The following KIAA0319L variants were observed in gnomAD, a reference collection of about 807,000 sequenced individuals.
KIAA0319L encodes the protein dyslexia-associated protein KIAA0319-like protein.
A neutral mutation model predicts 120.1 loss-of-function variants in KIAA0319L; 55 were observed. That is an observed-to-expected ratio of 0.46 (90% confidence interval 0.37 to 0.57). The LOEUF (loss-of-function observed/expected upper bound fraction) is 0.57. KIAA0319L is among the 20% of genes least tolerant of loss of function. The pLI, the probability that KIAA0319L is intolerant of heterozygous loss-of-function variation, is 0.00. For synonymous variants in KIAA0319L, 398 were observed against 471.9 expected (o/e 0.84, Z 2.03); for missense variants, 1,049 against 1,255.3 (o/e 0.84, Z 2.48).
At chr1:35,454,554 G>A in intron 10 of KIAA0319L, 69 bp from the exon 11 acceptor site, 1 of 1,586,876 alleles carries the variant, frequency 6.3e-7, no homozygotes, top group Non-Finnish European at 8.6e-7. Flanking sequence ...TTCCGACTCT[G>A]GTAAAAACGA....
At chr1:35,465,035 G>A (rs186644638) in intron 7 of KIAA0319L, among the ~76,000 whole-genome samples, 6 of 152,334 alleles carry the variant, frequency 3.9e-5, no homozygotes, top group South Asian at 2.1e-4. Flanking sequence ...CTGCAGAGGC[G>A]GGGCTCTCAT....
intron 14 of KIAA0319L, 124 bp from the exon 15 acceptor site, chr1:35,450,129 T>G: frequency 8.2e-7 from 1 of 1,219,206 alleles, no homozygotes; most frequent in Non-Finnish European, 1.2e-6. Flanking sequence ...GGGCAGTTCC[T>G]GATACGGAAC....
intron 9 of KIAA0319L, 91 bp from the exon 10 acceptor site, chr1:35,456,332 C>A: frequency 1.2e-6 from 1 of 844,620 alleles, no homozygotes; most frequent in Non-Finnish European, 1.8e-6. Flanking sequence ...CTAAGAAATA[C>A]CAATGTGGCA....
chr1:35,507,406 T>A (rs779188977), intron 2 of KIAA0319L, among the ~76,000 whole-genome samples: 11 of 151,834 alleles, frequency 7.2e-5, no homozygotes, highest in Non-Finnish European at 1.2e-4. Context: ...GAATGTCACT[T>A]CATAAACAGG....
chr1:35,484,806 A>ATATATTTTT (rs1381080295), intron 3 of KIAA0319L, among the ~76,000 whole-genome samples: 3 of 86,238 alleles, frequency 3.5e-5, no homozygotes, highest in Non-Finnish European at 4.3e-5. Flanking sequence ...ATATATATAT[A>ATATATTTTT]TTTTTTTTTT....
chr1:35,491,588 TG>T (rs1644595917), intron 3 of KIAA0319L, among the ~76,000 whole-genome samples: 1 of 152,040 alleles, frequency 6.6e-6, no homozygotes, highest in South Asian at 2.1e-4. Flanking sequence ...CCTGTCAACT[TG>T]GATTTGTTTA....
chr1:35,526,380 T>TATAC (rs1170574981), intron 2 of KIAA0319L, among the ~76,000 whole-genome samples: 5 of 125,228 alleles, frequency 4.0e-5, no homozygotes. Context: ...TACATATATA[T>TATAC]ATACATACAT....
rs573766889 is a variant in KIAA0319L, at chr1:35,462,786, G to A, written c.1202-73C>T. ...TACAGGAGCAGGCTGTATCTGAGAGGATTATAAATCAATTTCCATTACATC... is the reference window on the plus strand; with the variant it reads ...TACAGGAGCAGGCTGTATCTGAGAGAATTATAAATCAATTTCCATTACATC... On this transcript the variant is annotated intron_variant, in intron 7 of 20. Transcript: ENST00000325722. 8.0e-4 allele frequency: 939 copies of A among 1,175,682 alleles called. 3 individuals are homozygous for A. The highest frequency in any genetic ancestry group is 7.4e-4 in the Non-Finnish European group (594 of 797,796). 72.8% of individuals were successfully genotyped at this position (1,175,682 alleles called of 1,614,324 possible). A position where few individuals can be genotyped will look rare whatever the true frequency, so the allele number is the denominator to read the frequency against.
chr1:35,435,915 C>G (rs984280930), intron 20 of KIAA0319L, among the ~76,000 whole-genome samples: 10 of 152,170 alleles, frequency 6.6e-5, no homozygotes, highest in African/African-American at 2.4e-4. Context: ...GCTGAGATAG[C>G]AGGACTAGAG....
intron 20 of KIAA0319L, 50 bp downstream of exon 20, chr1:35,440,997 C>G (rs1402071990): frequency 3.5e-6 from 5 of 1,415,922 alleles, no homozygotes; most frequent in Non-Finnish European, 4.0e-6. Context: ...CAGCAGCCTT[C>G]CACAGAGAGA....
At chr1:35,546,780 C>T (rs1335722907) in intron 2 of KIAA0319L, among the ~76,000 whole-genome samples, 2 of 152,058 alleles carry the variant, frequency 1.3e-5, no homozygotes, top group East Asian at 3.9e-4. Context: ...TTCTAACCTT[C>T]AACAACCTTC....
intron 2 of KIAA0319L, among the ~76,000 whole-genome samples, chr1:35,509,189 T>C (rs1645325775): frequency 6.6e-6 from 1 of 152,016 alleles, no homozygotes; most frequent in Non-Finnish European, 1.5e-5. Context: ...GACTGGTAGT[T>C]AGAATGTTTA....
intron 3 of KIAA0319L, among the ~76,000 whole-genome samples, chr1:35,490,195 A>ATAG (rs1371518428): frequency 6.6e-6 from 1 of 152,222 alleles, no homozygotes; most frequent in Non-Finnish European, 1.5e-5. Flanking sequence ...CGGCTAAGAA[A>ATAG]TAGTACCTAT....
chr1:35,554,288 G>C, intron 2 of KIAA0319L, 62 bp downstream of exon 2: 1 of 1,259,128 alleles, frequency 7.9e-7, no homozygotes, highest in Non-Finnish European at 1.1e-6. Flanking sequence ...ATGAACTGAG[G>C]GACTCACATA....
At chr1:35,481,461 TA>T (rs1644159870) in intron 3 of KIAA0319L, among the ~76,000 whole-genome samples, 1 of 152,232 alleles carries the variant, frequency 6.6e-6, no homozygotes, top group Non-Finnish European at 1.5e-5. Flanking sequence ...CTGGTCTTTT[TA>T]TTTTTTGTCA....
At chr1:35,513,520 C>A (rs575279828) in intron 2 of KIAA0319L, among the ~76,000 whole-genome samples, 1 of 151,554 alleles carries the variant, frequency 6.6e-6, no homozygotes, top group Non-Finnish European at 1.5e-5. Flanking sequence ...AGGAGGCTGA[C>A]GCAGTAGGAT....
At chr1:35,535,229 C>T (rs1646531288) in intron 2 of KIAA0319L, among the ~76,000 whole-genome samples, 1 of 150,738 alleles carries the variant, frequency 6.6e-6, no homozygotes, top group Non-Finnish European at 1.5e-5. Context: ...AAACAGAATA[C>T]TTATACTTCA....
chr1:35,550,262 G>C (rs2148513687), intron 2 of KIAA0319L, among the ~76,000 whole-genome samples: 1 of 152,354 alleles, frequency 6.6e-6, no homozygotes, highest in Middle Eastern at 3.4e-3. Flanking sequence ...GGGAGTGGAG[G>C]ATAACTGCAG....
intron 2 of KIAA0319L, among the ~76,000 whole-genome samples, chr1:35,543,521 C>T (rs923030955): frequency 4.6e-5 from 7 of 152,104 alleles, no homozygotes; most frequent in African/African-American, 7.2e-5. Context: ...AATGCTTTTC[C>T]CCTGAAGATT....
Sources: gnomAD v4.1 joint callset for allele counts (sites outside exome capture counted in the v4.1 genomes callset) on GRCh38, gnomAD v4.1.1 for gene constraint, MANE v1.5 for transcripts, NCBI Gene and HGNC (gene_info 2026-07-23, HGNC 2026-07-21) for gene names.